The following FLT4 variants were observed in gnomAD, a reference collection of about 807,000 sequenced individuals.
FLT4 encodes vascular endothelial growth factor receptor 3.
In FLT4, 30 loss-of-function variants were observed where a neutral mutation model predicts 163.2. The observed-to-expected ratio is 0.18, with a 90% CI of 0.14 to 0.25. The LOEUF (loss-of-function observed/expected upper bound fraction) is 0.25, where lower values mean the gene tolerates loss of function less well. Among genes scored for constraint, FLT4 ranks in the 10% least tolerant of loss-of-function variants. The probability of loss-of-function intolerance (pLI) is 1.00; values close to 1 mark genes in which losing one functional copy is unlikely to be tolerated. For missense variants in FLT4, 1,510 were observed against 1,863.8 expected (o/e 0.81, Z 3.50); for synonymous variants, 884 against 789.5 (o/e 1.12, Z -2.01).
chr5:180,615,340 C>G (rs868539772), intron 23 of FLT4, among the ~76,000 whole-genome samples: 17 of 129,450 alleles, frequency 1.3e-4, no homozygotes, highest in Admixed American at 2.4e-4. Context: ...GAGCACTGGG[C>G]CCCGCTGGTC....
At chr5:180,616,788 G>A in intron 22 of FLT4, 112 bp downstream of exon 22, 1 of 921,196 alleles carries the variant, frequency 1.1e-6, no homozygotes. Flanking sequence ...AAGTGGGAGA[G>A]ACACTGATGG....
intron 8 of FLT4, among the ~76,000 whole-genome samples, chr5:180,627,294 C>T (rs1362071109): frequency 6.6e-6 from 1 of 152,148 alleles, no homozygotes; most frequent in Non-Finnish European, 1.5e-5. Context: ...TTGGACATCA[C>T]AGCAGGGGCC....
chr5:180,645,629 G>T (rs1197035882), intron 1 of FLT4, among the ~76,000 whole-genome samples: 1 of 152,130 alleles, frequency 6.6e-6, no homozygotes. Context: ...CTGGCCGTGG[G>T]CTAGGGTGGT....
intron 25 of FLT4, 67 bp downstream of exon 25, chr5:180,612,944 T>C (rs1284254092): frequency 7.9e-7 from 1 of 1,270,342 alleles, no homozygotes; most frequent in Non-Finnish European, 1.1e-6. Context: ...CACCTTCTCA[T>C]GGACACAACC....
intron 8 of FLT4, among the ~76,000 whole-genome samples, chr5:180,626,985 C>T (rs1300231832): frequency 6.6e-6 from 1 of 152,246 alleles, no homozygotes; most frequent in Non-Finnish European, 1.5e-5. Context: ...TGCCCATCGT[C>T]CCCCTGGGCT....
At chr5:180,645,254 G>A (rs1765432534) in intron 1 of FLT4, among the ~76,000 whole-genome samples, 1 of 152,262 alleles carries the variant, frequency 6.6e-6, no homozygotes, top group Non-Finnish European at 1.5e-5. Context: ...CCTGCGGGGA[G>A]CGTGGGCTGC....
chr5:180,640,152 G>T (rs1764996498), intron 1 of FLT4, among the ~76,000 whole-genome samples: 1 of 152,208 alleles, frequency 6.6e-6, no homozygotes, highest in Non-Finnish European at 1.5e-5. Flanking sequence ...CCCTCCATGA[G>T]GGCCAGGCAG....
intron 1 of FLT4, among the ~76,000 whole-genome samples, chr5:180,638,236 G>A (rs1764834636): frequency 6.6e-6 from 1 of 152,128 alleles, no homozygotes; most frequent in African/African-American, 2.4e-5. Context: ...ACTGGACTTG[G>A]GACACCCCAC....
At chr5:180,609,700 G>T in intron 28 of FLT4, 1 of 600,550 alleles carries the variant, frequency 1.7e-6, no homozygotes, top group East Asian at 2.9e-5. Flanking sequence ...TCGTGTGGGG[G>T]TGACGAGGGC....
chr5:180,623,379 C>A lies in FLT4; in HGVS notation c.1549-540G>T, dbSNP rs1344559577. On this transcript the variant is annotated intron_variant, in intron 11 of 29. Coordinates refer to ENST00000261937, the MANE Select transcript of FLT4 (RefSeq NM_182925.5). The surrounding 1 kb of genome is among the most constrained non-coding windows in gnomAD (Gnocchi z 5.8). ...GACTGAGGCCTCAGGGAGTAGGAAG[C>A]CTGAGACACAGGGGAGGAGAGAGGG... Among the ~76,000 whole-genome samples, 1 of 152,092 alleles carries A rather than the reference C, an allele frequency of 6.6e-6. No individual in the cohort carries two copies. The highest frequency in any genetic ancestry group is 6.5e-5 in the Admixed American group (1 of 15,278).
intron 26 of FLT4, 184 bp from the exon 27 acceptor site, chr5:180,611,663 C>T: frequency 1.6e-6 from 1 of 636,748 alleles, no homozygotes; most frequent in Non-Finnish European, 2.7e-6. Flanking sequence ...CTCGGGACTG[C>T]TTGGGCTCCT....
At chr5:180,641,957 A>G (rs455169) in intron 1 of FLT4, among the ~76,000 whole-genome samples, 1 of 152,028 alleles carries the variant, frequency 6.6e-6, no homozygotes, top group Non-Finnish European at 1.5e-5. Flanking sequence ...GCCTGTAATC[A>G]CAGCACTTTG....
rs985912465 is a variant in FLT4, at chr5:180,601,557, A to C, written c.*1635T>G. ...CAGATTTATTATTATCTCTTGTTAAATATTTTCGATCTTTTCTCAGAACAT... is the reference window on the plus strand; with the variant it reads ...CAGATTTATTATTATCTCTTGTTAACTATTTTCGATCTTTTCTCAGAACAT... On this transcript the variant is annotated 3_prime_UTR_variant, in exon 30 of 30. Coordinates refer to ENST00000261937, the MANE Select transcript of FLT4 (RefSeq NM_182925.5). 1 of 233,168 alleles carries C rather than the reference A, an allele frequency of 4.3e-6. No homozygotes were observed. Among genetic ancestry groups the C allele is most frequent in the Non-Finnish European group, 8.5e-6 (1 of 118,072 alleles). The allele number at this position is 233,168 out of a possible 1,614,324, so 14.4% of individuals were successfully genotyped here.
At chr5:180,609,778 G>A (rs569773654) in intron 28 of FLT4, 127 bp downstream of exon 28, 13 of 1,189,916 alleles carry the variant, frequency 1.1e-5, no homozygotes, top group East Asian at 2.4e-5. Flanking sequence ...GGCTCACCCT[G>A]GACTTGCACT....
chr5:180,632,516 CAG>C (rs1764260012), intron 1 of FLT4, among the ~76,000 whole-genome samples: 1 of 152,178 alleles, frequency 6.6e-6, no homozygotes, highest in African/African-American at 2.4e-5. Flanking sequence ...CACCATCAGC[CAG>C]AGACTGTAGG....
In FLT4 at chr5:180,614,110, C is replaced by T. The variant is rs781402372; in HGVS notation, c.3289G>A (p.Val1097Met). The change falls in exon 24 of 30, where the codon GTG (valine) becomes ATG (methionine). Residue 1097 changes from valine to methionine, a missense_variant. Around this residue, in one of 5 missense-constraint regions of FLT4, gnomAD observed 17 missense variants for 76.2 expected, o/e 0.22. Coordinates refer to ENST00000261937, the MANE Select transcript of FLT4 (RefSeq NM_182925.5). ...FDKVYTTQSD[V>M]WSFGVLLWEI... ...CAGAGAAGCACCCCAAAGGACCACA[C>T]GTCACTCTGCGTGGTGTACACCTTG... is the stretch of plus-strand genomic sequence containing the variant. 2.5e-6 allele frequency: 4 copies of T among 1,614,072 alleles called. No individual in the cohort carries two copies. Among genetic ancestry groups the T allele is most frequent in the South Asian group, 1.1e-5 (1 of 91,084 alleles).
In FLT4 at chr5:180,611,398, G is replaced by C; in HGVS notation, c.3619C>G (p.Leu1207Val). 1 of 1,614,088 alleles carries C rather than the reference G, an allele frequency of 6.2e-7. No homozygotes were observed. The change falls in exon 27 of 30, where the codon CTA (leucine) becomes GTA (valine). Residue 1207 changes from leucine to valine, a missense_variant. By Grantham distance (32) the Leu-to-Val change is conservative. Transcript: ENST00000261937. ...GSFSQVSTMA[L>V]HIAQADAEDS... ...TCAGCGTCAGCCTGGGCGATGTGTA[G>C]GGCCATGGTGGACACCTGCGAGAAG...
intron 1 of FLT4, among the ~76,000 whole-genome samples, chr5:180,640,306 G>A (rs1765008478): frequency 6.6e-6 from 1 of 152,226 alleles, no homozygotes; most frequent in African/African-American, 2.4e-5. Flanking sequence ...AAACTGAGGC[G>A]CCAGGCCTCA....
chr5:180,631,976 C>T (rs575475939), intron 1 of FLT4, among the ~76,000 whole-genome samples, 198 bp from the exon 2 acceptor site: 85 of 152,212 alleles, frequency 5.6e-4, no homozygotes, highest in African/African-American at 1.9e-3. Context: ...AAGACAGCCA[C>T]GAACCTCTCC....
Sources: allele counts gnomAD v4.1 joint callset (sites outside exome capture counted in the v4.1 genomes callset), GRCh38; gene constraint gnomAD v4.1.1; regional missense constraint gnomAD v4.1.1; non-coding constraint Gnocchi (gnomAD v3.1); transcripts MANE v1.5; gene names NCBI Gene and HGNC (gene_info 2026-07-23, HGNC 2026-07-21).